The following FHL2 variants were observed in gnomAD, a reference collection of about 807,000 sequenced individuals.
The protein encoded by FHL2 is four and a half LIM domains 2, also known as four and a half LIM domains protein 2.
FHL2 carries 20 observed loss-of-function variants against 32.7 expected under a neutral mutation model. That is an observed-to-expected ratio of 0.61 (90% CI 0.43 to 0.89). The LOEUF (loss-of-function observed/expected upper bound fraction) is 0.89, where lower values mean the gene tolerates loss of function less well. Among genes scored for constraint, FHL2 ranks in the 40% least tolerant of loss-of-function variants. The probability of loss-of-function intolerance (pLI) is 0.00; values close to 1 mark genes in which losing one functional copy is unlikely to be tolerated. For missense variants in FHL2, 311 were observed against 358.6 expected, an observed-to-expected ratio of 0.87 and a Z score of 1.07; for synonymous variants, 123 against 128.1, an observed-to-expected ratio of 0.96 and a Z score of 0.27.
At chr2:105,421,282 G>T (rs1031305312) in intron 1 of FHL2, among the ~76,000 whole-genome samples, 1 of 152,182 alleles carries the variant, frequency 6.6e-6, no homozygotes, top group African/African-American at 2.4e-5. Context: ...CAGTGATCTG[G>T]GGCTTTGTGG....
In FHL2 at chr2:105,396,916, C is replaced by A. The variant is rs140249449; in HGVS notation, c.-75-219G>T. The A allele has an allele frequency of 4.9e-4, 260 of 531,058 alleles. 4 individuals are homozygous for A. Among genetic ancestry groups the A allele is most frequent in the African/African-American group, 4.3e-3 (226 of 52,454 alleles). 32.9% of individuals were successfully genotyped at this position (531,058 alleles called of 1,614,324 possible). ...TCAGAGAGCCGCTTAGCGACTCAGG[C>A]CCGGTGCTGACAAAGGAGGCTGCCT... On this transcript the variant is annotated intron_variant, in intron 1 of 6. Coordinates refer to ENST00000530340, the MANE Select transcript of FHL2 (RefSeq NM_001318895.3).
intron 1 of FHL2, among the ~76,000 whole-genome samples, chr2:105,419,713 C>T (rs1359263340): frequency 1.3e-5 from 2 of 152,200 alleles, no homozygotes; most frequent in African/African-American, 4.8e-5. Context: ...GGTATATAAA[C>T]TCCTGGGTCT....
chr2:105,406,902 T>G (rs763914054), intron 1 of FHL2, among the ~76,000 whole-genome samples: 1 of 152,126 alleles, frequency 6.6e-6, no homozygotes, highest in Non-Finnish European at 1.5e-5. Context: ...TTAGACCAAA[T>G]AAGGTATCCC....
chr2:105,396,778 TTAA>T, intron 1 of FHL2, 81 bp from the exon 2 acceptor site: 1 of 1,189,254 alleles, frequency 8.4e-7, no homozygotes, highest in South Asian at 1.3e-5. Flanking sequence ...AGATGGACAC[TTAA>T]TAAATGTGGC....
At chr2:105,422,868 G>T (rs1363547415) in intron 1 of FHL2, among the ~76,000 whole-genome samples, 1 of 152,104 alleles carries the variant, frequency 6.6e-6, no homozygotes, top group African/African-American at 2.4e-5. Flanking sequence ...TTTTCGTTCT[G>T]ACAGTTTTAC....
chr2:105,417,963 G>C (rs888399679), intron 1 of FHL2, among the ~76,000 whole-genome samples: 2 of 152,048 alleles, frequency 1.3e-5, no homozygotes, highest in Non-Finnish European at 2.9e-5. Context: ...GAAAAGATGA[G>C]TCATATCTTA....
rs1352945320 is a variant in FHL2 at position 105,364,455 on chromosome 2, C to T, written c.502-984G>A. Among the ~76,000 whole-genome samples the T allele has an allele frequency of 3.3e-5, 5 of 152,220 alleles. No homozygotes were observed. In the East Asian group the frequency reaches 9.6e-4, roughly 29 times the overall value. Reference sequence around the variant, plus strand: ...GAAAAATAAGCTGGATGCCTTCATTCTCACCTGTCTTGTGGTCTTAGAACA... The same window carrying T: ...GAAAAATAAGCTGGATGCCTTCATTTTCACCTGTCTTGTGGTCTTAGAACA... On this transcript the variant is annotated intron_variant, in intron 5 of 6. Transcript: ENST00000530340.
At chr2:105,385,603 G>C (rs1054705657) in intron 3 of FHL2, among the ~76,000 whole-genome samples, 1 of 152,236 alleles carries the variant, frequency 6.6e-6, no homozygotes. Context: ...AGCCACATGA[G>C]GGGTTTCACT....
At chr2:105,368,800 G>T (rs1032023505) in intron 4 of FHL2, among the ~76,000 whole-genome samples, 2 of 152,124 alleles carry the variant, frequency 1.3e-5, no homozygotes, top group African/African-American at 4.8e-5. Context: ...ATAAAGCAAA[G>T]GTAAAGAACA....
At chr2:105,417,962 A>G (rs1430761198) in intron 1 of FHL2, among the ~76,000 whole-genome samples, 1 of 152,144 alleles carries the variant, frequency 6.6e-6, no homozygotes, top group Non-Finnish European at 1.5e-5. Flanking sequence ...TGAAAAGATG[A>G]GTCATATCTT....
At chr2:105,435,237 C>T (rs1189549238) in intron 1 of FHL2, among the ~76,000 whole-genome samples, 1 of 152,130 alleles carries the variant, frequency 6.6e-6, no homozygotes, top group East Asian at 1.9e-4. Context: ...CCATACTTCA[C>T]TTTTGAGCTA....
At chr2:105,416,469 C>G (rs1039087367) in intron 1 of FHL2, among the ~76,000 whole-genome samples, 2 of 152,182 alleles carry the variant, frequency 1.3e-5, no homozygotes, top group African/African-American at 4.8e-5. Flanking sequence ...TCATCTCTCT[C>G]TATAAATGGA....
At chr2:105,429,732 C>G (rs897201600) in intron 1 of FHL2, among the ~76,000 whole-genome samples, 4 of 152,210 alleles carry the variant, frequency 2.6e-5, no homozygotes, top group African/African-American at 9.6e-5. Flanking sequence ...GAAACTAGTA[C>G]AGCAACTATA....
intron 1 of FHL2, among the ~76,000 whole-genome samples, chr2:105,430,370 T>C (rs1684393227): frequency 6.6e-6 from 1 of 152,096 alleles, no homozygotes; most frequent in African/African-American, 2.4e-5. Flanking sequence ...TCCTCCAAAA[T>C]AAAACCTAGA....
At chr2:105,412,905 G>T (rs1683838732) in intron 1 of FHL2, among the ~76,000 whole-genome samples, 1 of 152,160 alleles carries the variant, frequency 6.6e-6, no homozygotes, top group Admixed American at 6.5e-5. Context: ...GTGGGCTGAG[G>T]GTCAGTGACA....
At chr2:105,397,888 G>GT (rs55868128) in intron 1 of FHL2, among the ~76,000 whole-genome samples, 66 of 138,566 alleles carry the variant, frequency 4.8e-4, no homozygotes, top group African/African-American at 1.2e-3. Context: ...TTTGTTTTTT[G>GT]TTTTTTTTTG....
At chr2:105,412,269 T>G (rs1683816225) in intron 1 of FHL2, among the ~76,000 whole-genome samples, 1 of 152,196 alleles carries the variant, frequency 6.6e-6, no homozygotes, top group Non-Finnish European at 1.5e-5. Flanking sequence ...AAGGACATTC[T>G]GACACATGCT....
chr2:105,432,083 G>A (rs1684453124), intron 1 of FHL2, among the ~76,000 whole-genome samples: 1 of 152,210 alleles, frequency 6.6e-6, no homozygotes, highest in Non-Finnish European at 1.5e-5. Context: ...GTCTTAATTA[G>A]AAGGTCCTCA....
At chr2:105,399,349 G>A (rs974574635), upstream of FHL2, 2 of 1,535,834 alleles carry the variant, frequency 1.3e-6, no homozygotes, top group Non-Finnish European at 1.7e-6. Context: ...GCGGTGGCAG[G>A]GGTCTGCCCA....
Sources: gnomAD v4.1 joint callset for allele counts (sites outside exome capture counted in the v4.1 genomes callset) on GRCh38, gnomAD v4.1.1 for gene constraint, MANE v1.5 for transcripts, NCBI Gene and HGNC (gene_info 2026-07-23, HGNC 2026-07-21) for gene names.